Variants in PTPRR observed in about 807,000 individuals in gnomAD.
PTPRR encodes protein tyrosine phosphatase receptor type R, also known as receptor-type tyrosine-protein phosphatase R.
Under a neutral mutation model 77.2 loss-of-function variants are expected in PTPRR, and 38 were observed. The observed-to-expected ratio is 0.49, with a 90% CI of 0.38 to 0.65. The LOEUF (loss-of-function observed/expected upper bound fraction) is 0.65, where lower values mean the gene tolerates loss of function less well. Ranked by LOEUF, PTPRR falls within the 30% of genes least tolerant of loss-of-function variation. The probability of loss-of-function intolerance (pLI) is 0.00; values close to 1 mark genes in which losing one functional copy is unlikely to be tolerated. For synonymous variants in PTPRR, 299 were observed against 283.1 expected, an observed-to-expected ratio of 1.06 and a Z score of -0.57; for missense variants, 744 against 799.2, an observed-to-expected ratio of 0.93 and a Z score of 0.83.
At chr12:70,647,028 CT>C (rs1886224992) in intron 13 of PTPRR, among the ~76,000 whole-genome samples, 1 of 152,022 alleles carries the variant, frequency 6.6e-6, no homozygotes, top group Admixed American at 6.6e-5. Context: ...TTGGAAGCAT[CT>C]TTTTATCCTG....
intron 2 of PTPRR, among the ~76,000 whole-genome samples, chr12:70,863,462 A>G (rs1892787670): frequency 6.6e-6 from 1 of 152,182 alleles, no homozygotes; most frequent in Non-Finnish European, 1.5e-5. Flanking sequence ...ATTGCCTAGC[A>G]TGCTTTTTAA....
intron 12 of PTPRR, among the ~76,000 whole-genome samples, chr12:70,658,883 GT>G (rs746595856): frequency 0.036 from 1,342 of 36,854 alleles, 2 homozygotes; most frequent in Non-Finnish European, 0.041. Flanking sequence ...TTTTGCTCTA[GT>G]TTTTTTTTTT....
At chr12:70,709,463 G>A (rs2136809006) in intron 6 of PTPRR, among the ~76,000 whole-genome samples, 1 of 152,276 alleles carries the variant, frequency 6.6e-6, no homozygotes, top group African/African-American at 2.4e-5. Flanking sequence ...GTCCTGGCCA[G>A]AGAAATCAGG....
At chr12:70,733,036 G>T (rs1485433762) in intron 6 of PTPRR, among the ~76,000 whole-genome samples, 1 of 152,084 alleles carries the variant, frequency 6.6e-6, no homozygotes, top group Non-Finnish European at 1.5e-5. Context: ...GAGGGAAAAC[G>T]CAGGAAATGA....
intron 2 of PTPRR, among the ~76,000 whole-genome samples, chr12:70,767,698 T>C (rs564300526): frequency 6.6e-6 from 1 of 152,164 alleles, no homozygotes; most frequent in African/African-American, 2.4e-5. Flanking sequence ...CCATCCCAAA[T>C]CAACAGAATA....
chr12:70,772,755 T>C (rs1045705910), intron 2 of PTPRR, among the ~76,000 whole-genome samples: 1 of 152,132 alleles, frequency 6.6e-6, no homozygotes, highest in Non-Finnish European at 1.5e-5. Context: ...GAGAGCCCAG[T>C]AATAGGCAAC....
chr12:70,846,318 G>A (rs181137539), intron 2 of PTPRR, among the ~76,000 whole-genome samples: 29 of 152,290 alleles, frequency 1.9e-4, no homozygotes, highest in Middle Eastern at 3.4e-3. Flanking sequence ...AGAGAGACCT[G>A]TAAAAATGTG....
chr12:70,821,255 C>G (rs919782189), intron 2 of PTPRR, among the ~76,000 whole-genome samples: 1 of 41,306 alleles, frequency 2.4e-5, no homozygotes, highest in Non-Finnish European at 5.8e-5. Context: ...GACAGAGTTT[C>G]ACTCTGTCCC....
intron 10 of PTPRR, among the ~76,000 whole-genome samples, chr12:70,663,021 T>A (rs914375053): frequency 6.6e-6 from 1 of 152,186 alleles, no homozygotes; most frequent in Non-Finnish European, 1.5e-5. Context: ...CCCACAATAA[T>A]TGAGGAAAGT....
chr12:70,740,895 C>T (rs1460860400), intron 6 of PTPRR, among the ~76,000 whole-genome samples: 1 of 151,720 alleles, frequency 6.6e-6, no homozygotes, highest in Admixed American at 6.6e-5. Context: ...ACCATTAGAA[C>T]ACACATATAT....
intron 2 of PTPRR, among the ~76,000 whole-genome samples, chr12:70,888,922 G>A (rs1464796913): frequency 1.3e-5 from 2 of 152,158 alleles, no homozygotes; most frequent in African/African-American, 4.8e-5. Flanking sequence ...TCAATAGGTT[G>A]TACTAAAGCA....
intron 13 of PTPRR, among the ~76,000 whole-genome samples, chr12:70,650,006 G>A (rs2136652105): frequency 6.6e-6 from 1 of 152,300 alleles, no homozygotes; most frequent in East Asian, 1.9e-4. Flanking sequence ...CATTTAGATG[G>A]TTCTTGAGGA....
At chr12:70,687,680 T>C (rs956925878) in intron 8 of PTPRR, among the ~76,000 whole-genome samples, 29 of 152,250 alleles carry the variant, frequency 1.9e-4, no homozygotes, top group African/African-American at 6.5e-4. Flanking sequence ...CTAAAGGAAG[T>C]AGGGTGACTA....
chr12:70,734,956 C>T (rs763776672), intron 6 of PTPRR, among the ~76,000 whole-genome samples: 50 of 152,260 alleles, frequency 3.3e-4, no homozygotes, highest in African/African-American at 7.7e-4. Flanking sequence ...TGTCTCATGA[C>T]GTACCATTAA....
At chr12:70,732,025 A>G (rs1889680001) in intron 6 of PTPRR, among the ~76,000 whole-genome samples, 1 of 152,216 alleles carries the variant, frequency 6.6e-6, no homozygotes, top group African/African-American at 2.4e-5. Context: ...TGGGCAATGA[A>G]AAAAAGAGCT....
At chr12:70,910,956 G>T (rs751347405) in intron 1 of PTPRR, among the ~76,000 whole-genome samples, 7 of 152,024 alleles carry the variant, frequency 4.6e-5, no homozygotes, top group Non-Finnish European at 7.4e-5. Context: ...GTGAACTATG[G>T]GTCTCCAAGG....
At chr12:70,714,682 A>G (rs1238551612) in intron 6 of PTPRR, among the ~76,000 whole-genome samples, 1 of 152,192 alleles carries the variant, frequency 6.6e-6, no homozygotes, top group Non-Finnish European at 1.5e-5. Flanking sequence ...CTGTACGAAC[A>G]TAATATAAGT....
rs11830943 is a variant in PTPRR at position 70,798,759 on chromosome 12, C to T, written c.358-33981G>A. Among the ~76,000 whole-genome samples, 975 of 143,260 alleles carry T rather than the reference C, an allele frequency of 6.8e-3. 10 individuals carry two copies. Among genetic ancestry groups the T allele is most frequent in the African/African-American group, 0.024 (935 of 39,248 alleles). The allele number at this position is 143,260 out of a possible 152,430, so 94.0% of individuals were successfully genotyped here. ...TAAAGAAGCACCCCACCCCCACCCT[C>T]ATCACATTCTCTATCTCAGTATCTG... On this transcript the variant is annotated intron_variant, in intron 2 of 13. Coordinates refer to ENST00000283228, the MANE Select transcript of PTPRR (RefSeq NM_002849.4).
At chr12:70,730,928 G>A (rs897660385) in intron 6 of PTPRR, among the ~76,000 whole-genome samples, 2 of 149,890 alleles carry the variant, frequency 1.3e-5, no homozygotes, top group Admixed American at 1.3e-4. Flanking sequence ...GAAGGAGAGA[G>A]AGAGACAGAA....
Sources: allele counts gnomAD v4.1 joint callset (sites outside exome capture counted in the v4.1 genomes callset), GRCh38; gene constraint gnomAD v4.1.1; transcripts MANE v1.5; gene names NCBI Gene and HGNC (gene_info 2026-07-23, HGNC 2026-07-21).